ATG7: variants seen among roughly 807,000 people sequenced by gnomAD.
ATG7 encodes ubiquitin-like modifier-activating enzyme ATG7.
Under a neutral mutation model 82.4 loss-of-function variants are expected in ATG7, and 70 were observed. That is an observed-to-expected ratio of 0.85 (90% CI 0.70 to 1.04). ATG7 has a LOEUF of 1.04. Among genes scored for constraint, ATG7 ranks in the 50% least tolerant of loss-of-function variants. ATG7 has a pLI of 0.00. For missense variants in ATG7, 792 were observed against 864.3 expected, an observed-to-expected ratio of 0.92 and a Z score of 1.05; for synonymous variants, 287 against 313.0, an observed-to-expected ratio of 0.92 and a Z score of 0.88.
At chr3:11,564,870 A>C in the ATG7 span, 1 of 1,608,890 alleles carries the variant, frequency 6.2e-7, no homozygotes, top group Non-Finnish European at 8.5e-7. Context: ...GTTCTTGGTC[A>C]GTGCGAGGGG....
At chr3:11,461,073 T>C (rs912150671) in intron 20 of ATG7, among the ~76,000 whole-genome samples, 1 of 152,214 alleles carries the variant, frequency 6.6e-6, no homozygotes, top group African/African-American at 2.4e-5. Context: ...TGGGTCAATA[T>C]TTTAGAATTT....
At chr3:11,550,203 T>G (rs774890756) in intron 20 of ATG7, among the ~76,000 whole-genome samples, 24 of 152,330 alleles carry the variant, frequency 1.6e-4, no homozygotes, top group Middle Eastern at 3.4e-3. Context: ...AAATTTTAAT[T>G]CTTGTGAAAT....
intron 7 of ATG7, 76 bp from the exon 8 acceptor site, chr3:11,313,228 A>C: frequency 1.1e-6 from 1 of 932,178 alleles, no homozygotes; most frequent in Non-Finnish European, 1.6e-6. Flanking sequence ...TGGCCTTGAG[A>C]AGCTACATTA....
intron 20 of ATG7, among the ~76,000 whole-genome samples, chr3:11,519,583 G>A (rs1266023770): frequency 1.9e-5 from 2 of 104,744 alleles, no homozygotes; most frequent in Admixed American, 1.3e-4. Context: ...TTTTTGAGAC[G>A]GAGTCTCTCT....
chr3:11,493,656 G>T (rs1165568871), intron 20 of ATG7, among the ~76,000 whole-genome samples: 1 of 152,152 alleles, frequency 6.6e-6, no homozygotes, highest in Admixed American at 6.5e-5. Flanking sequence ...ACAGATAAGA[G>T]TCTAAGCCTA....
At chr3:11,296,842 T>A (rs1260334213) in intron 3 of ATG7, among the ~76,000 whole-genome samples, 1 of 152,216 alleles carries the variant, frequency 6.6e-6, no homozygotes, top group Admixed American at 6.5e-5. Flanking sequence ...TCACGGTGTC[T>A]TTCCCAGGGC....
At chr3:11,401,148 T>A (rs1462335622) in intron 19 of ATG7, among the ~76,000 whole-genome samples, 2 of 152,192 alleles carry the variant, frequency 1.3e-5, no homozygotes, top group East Asian at 3.8e-4. Context: ...CAGACCTAAT[T>A]AATCAGAAAC....
intron 20 of ATG7, among the ~76,000 whole-genome samples, chr3:11,469,404 G>A (rs1455810258): frequency 5.3e-5 from 8 of 151,980 alleles, no homozygotes; most frequent in African/African-American, 1.7e-4. Flanking sequence ...AGCTGAGATC[G>A]TGCCACTGCA....
rs2076386386 is a variant in ATG7 at position 11,363,142 on chromosome 3, A to T, written c.1799+214A>T. ...GCCACATTTCTGCATCTTTCCGGAC[A>T]AAGTCACTATGGTTTATTTTATTTT... On this transcript the variant is annotated intron_variant, in intron 17 of 20. Coordinates refer to ENST00000693202, the MANE Select transcript of ATG7 (RefSeq NM_001349232.2). 3 of 519,748 alleles carry T rather than the reference A, an allele frequency of 5.8e-6. No individual in the cohort carries two copies. The African/African-American group carries it at 5.8e-5, about 10-fold the overall frequency. 32.2% of individuals were successfully genotyped at this position (519,748 alleles called of 1,614,324 possible).
At chr3:11,527,069 G>GTATATATA (rs1347586691) in intron 20 of ATG7, among the ~76,000 whole-genome samples, 63 of 118,222 alleles carry the variant, frequency 5.3e-4, no homozygotes, top group Middle Eastern at 4.4e-3. Flanking sequence ...GTGTGTGTGT[G>GTATATATA]TGTATATATA....
chr3:11,561,988 C>T (rs1313662793), downstream of ATG7, among the ~76,000 whole-genome samples: 2 of 151,548 alleles, frequency 1.3e-5, no homozygotes, highest in Non-Finnish European at 2.9e-5. Flanking sequence ...CAAGCTCCGC[C>T]TTCCGGGTTC....
intron 19 of ATG7, among the ~76,000 whole-genome samples, chr3:11,395,641 A>C (rs1576038306): frequency 6.6e-6 from 1 of 152,226 alleles, no homozygotes; most frequent in Non-Finnish European, 1.5e-5. Context: ...AGCAGATAAT[A>C]CCGTTCAAGA....
chr3:11,308,659 G>A (rs1257056768), intron 6 of ATG7: 1 of 359,486 alleles, frequency 2.8e-6, no homozygotes, highest in Non-Finnish European at 5.2e-6. Flanking sequence ...GATGTGCCTG[G>A]TATATAGTAG....
intron 14 of ATG7, among the ~76,000 whole-genome samples, chr3:11,357,018 T>TA (rs746856528): frequency 6.6e-5 from 10 of 152,184 alleles, no homozygotes; most frequent in East Asian, 1.9e-4. Context: ...AGATTAGGTT[T>TA]AAAGTTGAAG....
intron 9 of ATG7, among the ~76,000 whole-genome samples, chr3:11,319,572 C>G (rs1949933692): frequency 6.6e-6 from 1 of 152,222 alleles, no homozygotes; most frequent in Non-Finnish European, 1.5e-5. Flanking sequence ...ATTCAATTTT[C>G]TCTCACCGGC....
intron 20 of ATG7, among the ~76,000 whole-genome samples, chr3:11,539,446 G>A (rs2070637901): frequency 6.6e-6 from 1 of 152,224 alleles, no homozygotes; most frequent in Non-Finnish European, 1.5e-5. Flanking sequence ...GCATGGCACT[G>A]AGCCGGGGAG....
chr3:11,358,089 C>T (rs976961400), intron 14 of ATG7, among the ~76,000 whole-genome samples: 1 of 151,930 alleles, frequency 6.6e-6, no homozygotes, highest in Non-Finnish European at 1.5e-5. Context: ...GTTTCTTGGC[C>T]TTGGATGGCT....
At chr3:11,410,162 G>C (rs1007641543) in intron 19 of ATG7, among the ~76,000 whole-genome samples, 1 of 152,104 alleles carries the variant, frequency 6.6e-6, no homozygotes, top group African/African-American at 2.4e-5. Flanking sequence ...GGAAAAACTT[G>C]ACATCTCGAC....
At chr3:11,521,507 G>C (rs1258338320) in intron 20 of ATG7, among the ~76,000 whole-genome samples, 2 of 151,960 alleles carry the variant, frequency 1.3e-5, no homozygotes, top group Non-Finnish European at 2.9e-5. Context: ...TCTGCTGCCA[G>C]GGCTGCCGTG....
Sources: gnomAD v4.1 joint callset for allele counts (sites outside exome capture counted in the v4.1 genomes callset) on GRCh38, gnomAD v4.1.1 for gene constraint, MANE v1.5 for transcripts, NCBI Gene and HGNC (gene_info 2026-07-23, HGNC 2026-07-21) for gene names.